Variants in CCDC102A observed in about 807,000 individuals in gnomAD.
The protein encoded by CCDC102A is coiled-coil domain containing 102A.
Under a neutral mutation model 55.5 loss-of-function variants are expected in CCDC102A, and 40 were observed. The observed-to-expected ratio is 0.72, with a 90% CI of 0.56 to 0.94. The LOEUF is 0.94. Ranked by LOEUF, CCDC102A falls within the 40% of genes least tolerant of loss-of-function variation. CCDC102A has a pLI of 0.00. For missense variants in CCDC102A, 779 were observed against 768.6 expected (o/e 1.01, Z -0.16); for synonymous variants, 323 against 339.0 (o/e 0.95, Z 0.52).
intron 4 of CCDC102A, among the ~76,000 whole-genome samples, chr16:57,520,238 G>T (rs569247934): frequency 2.0e-5 from 3 of 152,050 alleles, no homozygotes; most frequent in Non-Finnish European, 4.4e-5. Context: ...CCTGTTTCCC[G>T]CACACGCTGG....
chr16:57,512,940 G>T lies in CCDC102A; in HGVS notation c.1524-70C>A, dbSNP rs1278780510. On this transcript the variant is annotated intron_variant, in intron 8 of 8. Coordinates refer to ENST00000258214, the MANE Select transcript of CCDC102A (RefSeq NM_033212.4). The stretch of plus-strand genomic sequence containing the variant: ...GTCCCCCGATAAGGTGGCTGCAGCT[G>T]GTGCTGGAGCAGTTAAGCCTTCCCT... 5 of 1,388,916 alleles carry T rather than the reference G, an allele frequency of 3.6e-6. No individual in the cohort carries two copies. In the African/African-American group the frequency reaches 7.1e-5, roughly 20 times the overall value. 86.0% of individuals were successfully genotyped at this position (1,388,916 alleles called of 1,614,324 possible). A position where few individuals can be genotyped will look rare whatever the true frequency, so the allele number is the denominator to read the frequency against.
In CCDC102A at chr16:57,528,724, C is replaced by T. The variant is rs2032190912; in HGVS notation, c.454G>A (p.Ala152Thr). The T allele has an allele frequency of 5.2e-6, 6 of 1,149,102 alleles. No individual in the cohort carries two copies. The South Asian group carries it at 1.0e-4, about 19-fold the overall frequency. The allele number at this position is 1,149,102 out of a possible 1,614,324, so 71.2% of individuals were successfully genotyped here. A position where few individuals can be genotyped will look rare whatever the true frequency, so the allele number is the denominator to read the frequency against. Residue 152 changes from alanine (A) to threonine (T), a missense_variant, in exon 2 of 9, where the codon GCA (alanine) becomes ACA (threonine). By Grantham distance (58) the Ala-to-Thr change is moderately conservative. Transcript: ENST00000258214. ...AGCCGCGCCAGCTCGCGGCCCCGTG[C>T]CTCGCACTCGCCCTGCGCCTCTTGG... is the stretch of plus-strand genomic sequence containing the variant. ...ERQEAQGECE[A>T]RGRELARLRG...
rs2032217587 is a variant in CCDC102A, at chr16:57,529,642, G to C, written c.-147-318C>G. Reference sequence around the variant, plus strand: ...CAACTTCCGCACAGGACCCAGGCGGGGGCACTGGGCTGGTGCCAGGAGTCC... The same window carrying C: ...CAACTTCCGCACAGGACCCAGGCGGCGGCACTGGGCTGGTGCCAGGAGTCC... On this transcript the variant is annotated intron_variant, in intron 1 of 8. Coordinates refer to ENST00000258214, the MANE Select transcript of CCDC102A (RefSeq NM_033212.4). This position sits in a 1 kb window ranked among gnomAD's most constrained non-coding sequence, Gnocchi z 4.1. Among the ~76,000 whole-genome samples the C allele has an allele frequency of 6.6e-6, 1 of 152,186 alleles. No homozygotes were observed. Among genetic ancestry groups the C allele is most frequent in the African/African-American group, 2.4e-5 (1 of 41,438 alleles).
intron 3 of CCDC102A, among the ~76,000 whole-genome samples, chr16:57,523,012 G>A (rs2032078081): frequency 6.6e-6 from 1 of 152,028 alleles, no homozygotes; most frequent in African/African-American, 2.4e-5. Flanking sequence ...ACTAAAATAC[G>A]AAGAATTAGC....
Position 57,516,810 on chromosome 16 carries a change from A to G in CCDC102A, c.1249-347T>C, listed in dbSNP as rs2031963014. Among the ~76,000 whole-genome samples, 1 of 152,048 alleles carries G rather than the reference A, an allele frequency of 6.6e-6. No individual in the cohort carries two copies. Among genetic ancestry groups the G allele is most frequent in the African/African-American group, 2.4e-5 (1 of 41,382 alleles). On this transcript the variant is annotated intron_variant, in intron 6 of 8. Transcript: ENST00000258214. The surrounding 1 kb of genome is among the most constrained non-coding windows in gnomAD (Gnocchi z 4.4). ...GAGTCTTCAGGGGCGTATGGCATTGAAAGAGCTGGGTTGGGAATGAGCTAG... is the reference window on the plus strand; with the variant it reads ...GAGTCTTCAGGGGCGTATGGCATTGGAAGAGCTGGGTTGGGAATGAGCTAG...
Position 57,512,641 on chromosome 16 carries a change from G to T in CCDC102A, c.*100C>A, listed in dbSNP as rs1598068311. On this transcript the variant is annotated 3_prime_UTR_variant, in exon 9 of 9. Coordinates refer to ENST00000258214, the MANE Select transcript of CCDC102A (RefSeq NM_033212.4). The stretch of plus-strand genomic sequence containing the variant: ...AGAAAGTCGGCTGTGGCAGGGACTG[G>T]TCCCAGAGTGAGCCTAGGCACTGCA... The T allele has an allele frequency of 1.6e-5, 23 of 1,445,842 alleles. No individual in the cohort carries two copies. In the East Asian group the frequency reaches 5.3e-4, roughly 34 times the overall value. 89.6% of individuals were successfully genotyped at this position (1,445,842 alleles called of 1,614,324 possible).
intron 4 of CCDC102A, among the ~76,000 whole-genome samples, chr16:57,519,514 C>T (rs139799106): frequency 7.2e-5 from 11 of 152,354 alleles, no homozygotes; most frequent in African/African-American, 2.6e-4. Flanking sequence ...CATTGCTTGG[C>T]GTGCATTTAA....
At chr16:57,528,559 A>C (rs775032639) in intron 2 of CCDC102A, 34 bp downstream of exon 2, 33 of 1,191,228 alleles carry the variant, frequency 2.8e-5, no homozygotes, top group Non-Finnish European at 2.6e-5. Context: ...CCACTTCGAG[A>C]CTGGAGCGCG....
intron 1 of CCDC102A, among the ~76,000 whole-genome samples, chr16:57,535,184 G>C (rs1485051397): frequency 2.6e-5 from 4 of 152,180 alleles, no homozygotes; most frequent in African/African-American, 9.7e-5. Flanking sequence ...CACAGACTGC[G>C]GGCACCTGTC....
At chr16:57,528,206 T>C (rs925303392) in intron 2 of CCDC102A, among the ~76,000 whole-genome samples, 3 of 152,238 alleles carry the variant, frequency 2.0e-5, no homozygotes, top group South Asian at 2.1e-4. Context: ...CTGTGAAGCC[T>C]GCGTCAGGGA....
chr16:57,523,826 C>T (rs2032090443), intron 3 of CCDC102A, among the ~76,000 whole-genome samples: 1 of 152,054 alleles, frequency 6.6e-6, no homozygotes, highest in Non-Finnish European at 1.5e-5. Context: ...AATTTTTTAG[C>T]CACCCTCTGG....
chr16:57,518,298 G>A (rs1387969545), intron 5 of CCDC102A, 21 bp from the exon 6 acceptor site: 5 of 1,602,618 alleles, frequency 3.1e-6, no homozygotes, highest in African/African-American at 1.3e-5. Context: ...GCAGGGCAGA[G>A]TGAGGACTCC....
chr16:57,518,749 G>A lies in CCDC102A; in HGVS notation c.922-8C>T, dbSNP rs754279177. ...CTCCTTCAGGATGCTGAGCTGCAGGGATAAGGCCCCACCTGGTCATGAGAA... is the reference window on the plus strand; with the variant it reads ...CTCCTTCAGGATGCTGAGCTGCAGGAATAAGGCCCCACCTGGTCATGAGAA... On this transcript the variant is annotated splice_region_variant and splice_polypyrimidine_tract_variant and intron_variant, in intron 4 of 8. Coordinates refer to ENST00000258214, the MANE Select transcript of CCDC102A (RefSeq NM_033212.4). 6.9e-6 allele frequency: 11 copies of A among 1,590,838 alleles called. No individual in the cohort carries two copies. The South Asian group carries it at 1.2e-4, about 18-fold the overall frequency.
rs578064250 is a variant in CCDC102A, at chr16:57,518,651, G to A, written c.1012C>T (p.Arg338Trp). The change falls in exon 5 of 9, where the codon CGG becomes TGG. Residue 338 changes from arginine to tryptophan, a missense_variant. Transcript: ENST00000258214. ...TCGCCCCTCAGCTCGGCCATTTTCC[G>A]GTCCATGCTGGAGCGTGCACCGAGC... ...DELGARSSMD[R>W]KMAELRGEME... The A allele has an allele frequency of 9.3e-6, 15 of 1,613,524 alleles. No individual in the cohort carries two copies. Among genetic ancestry groups the A allele is most frequent in the East Asian group, 2.2e-5 (1 of 44,894 alleles).
At chr16:57,533,420 C>G (rs1157163988) in intron 1 of CCDC102A, among the ~76,000 whole-genome samples, 1 of 152,012 alleles carries the variant, frequency 6.6e-6, no homozygotes, top group East Asian at 1.9e-4. Context: ...TACCCTGCCC[C>G]ACTCATACAG....
intron 1 of CCDC102A, among the ~76,000 whole-genome samples, chr16:57,533,852 C>A (rs892669858): frequency 4.6e-5 from 7 of 152,190 alleles, no homozygotes; most frequent in African/African-American, 1.7e-4. Context: ...CTGCCCTGCC[C>A]GCCCCTTCCA....
chr16:57,513,781 C>T (rs529099667), intron 8 of CCDC102A, among the ~76,000 whole-genome samples: 43 of 152,362 alleles, frequency 2.8e-4, no homozygotes, highest in African/African-American at 1.0e-3. Context: ...GCCTGGGCCC[C>T]TGCACAACAC....
At position 57,516,492 on chromosome 16, in the gene CCDC102A, G is replaced by T; in HGVS notation, c.1249-29C>A. 4.5e-6 allele frequency: 7 copies of T among 1,563,106 alleles called. No homozygotes were observed. Among genetic ancestry groups the T allele is most frequent in the Non-Finnish European group, 6.1e-6 (7 of 1,144,634 alleles). On this transcript the variant is annotated intron_variant, in intron 6 of 8. Transcript: ENST00000258214. The surrounding 1 kb of genome is among the most constrained non-coding windows in gnomAD (Gnocchi z 4.4). ...CAGGGCACAGGGATGGGGTGGGAGG[G>T]AGGAGGGAATCAGTATCAGCTTGGG...
chr16:57,522,536 G>A (rs2032069369), intron 3 of CCDC102A, among the ~76,000 whole-genome samples: 1 of 152,218 alleles, frequency 6.6e-6, no homozygotes, highest in Admixed American at 6.5e-5. Flanking sequence ...TTATAGGCAT[G>A]AGCCACGGTG....
Sources: allele counts gnomAD v4.1 joint callset (sites outside exome capture counted in the v4.1 genomes callset), GRCh38; gene constraint gnomAD v4.1.1; non-coding constraint Gnocchi (gnomAD v3.1); transcripts MANE v1.5; gene names NCBI Gene and HGNC (gene_info 2026-07-23, HGNC 2026-07-21).